TTYH3: variants seen among roughly 807,000 people sequenced by gnomAD.
TTYH3 encodes tweety family member 3, also known as protein tweety homolog 3.
A neutral mutation model predicts 68.2 loss-of-function variants in TTYH3; 23 were observed. That is an observed-to-expected ratio of 0.34 (90% CI 0.24 to 0.48). The LOEUF is 0.48. Among genes scored for constraint, TTYH3 ranks in the 20% least tolerant of loss-of-function variants. The pLI is 0.99. For synonymous variants in TTYH3, 360 were observed against 332.8 expected (o/e 1.08, Z -0.89); for missense variants, 768 against 727.7 (o/e 1.06, Z -0.64).
At chr7:2,660,832 C>T (rs538257381) in intron 13 of TTYH3, among the ~76,000 whole-genome samples, 2 of 152,320 alleles carry the variant, frequency 1.3e-5, no homozygotes, top group East Asian at 1.9e-4. Flanking sequence ...GCCCCTGACA[C>T]GTGCCAGGCC....
At chr7:2,659,821 C>T in intron 13 of TTYH3, 3 of 1,205,202 alleles carry the variant, frequency 2.5e-6, no homozygotes, top group Non-Finnish European at 2.1e-6. Flanking sequence ...TCCCGCTCGG[C>T]TGCCCTCGTC....
chr7:2,660,122 C>A, intron 13 of TTYH3: 1 of 1,232,458 alleles, frequency 8.1e-7, no homozygotes, highest in Non-Finnish European at 1.1e-6. Context: ...GCCGCCCTCC[C>A]GTCGGCACTG....
chr7:2,647,097 T>A lies in TTYH3; in HGVS notation c.294-45T>A, dbSNP rs781052743. The A allele has an allele frequency of 1.1e-5, 17 of 1,526,172 alleles. No homozygotes were observed. The South Asian group carries it at 1.5e-4, about 14-fold the overall frequency. 94.5% of individuals were successfully genotyped at this position (1,526,172 alleles called of 1,614,324 possible). A position where few individuals can be genotyped will look rare whatever the true frequency, so the allele number is the denominator to read the frequency against. On this transcript the variant is annotated intron_variant, in intron 2 of 13. Coordinates refer to ENST00000258796, the MANE Select transcript of TTYH3 (RefSeq NM_025250.3). ...GAGGGGGCGGGGCTGGAGTGGGGTG[T>A]GTGTGGGTGGGCGGGGCTACATCTC...
Position 2,658,354 on chromosome 7 carries a change from G to A in TTYH3, c.1319G>A (p.Arg440His), listed in dbSNP as rs1180699779. ...GPRQAHDSLY[R>H]VHMPSLYSCG... ...CGGCAGGCGCACGACAGCCTCTACC[G>A]CGTCCACATGCCCAGCCTGTACAGC... The change falls in exon 12 of 14, where the codon CGC becomes CAC. Residue 440 changes from arginine to histidine, a missense_variant. Arg to His is a conservative substitution (Grantham distance 29, BLOSUM62 0). Transcript: ENST00000258796. 4 of 1,610,060 alleles carry A rather than the reference G, an allele frequency of 2.5e-6. No homozygotes were observed. The highest frequency in any genetic ancestry group is 1.1e-5 in the South Asian group (1 of 90,672).
At chr7:2,646,825 T>G in intron 1 of TTYH3, 28 bp from the exon 2 acceptor site, 1 of 1,583,282 alleles carries the variant, frequency 6.3e-7, no homozygotes, top group Non-Finnish European at 8.5e-7. Flanking sequence ...GGTCCACCCC[T>G]CCAGCGCCGC....
At chr7:2,649,720 C>T in intron 6 of TTYH3, 81 bp downstream of exon 6, 1 of 1,520,440 alleles carries the variant, frequency 6.6e-7, no homozygotes, top group Non-Finnish European at 8.9e-7. Flanking sequence ...CACTCCTCTC[C>T]CCTCCCATCT....
chr7:2,655,058 T>C (rs1786295014), intron 9 of TTYH3, among the ~76,000 whole-genome samples: 2 of 152,188 alleles, frequency 1.3e-5, no homozygotes, highest in African/African-American at 4.8e-5. Context: ...CTTTCTGAGG[T>C]CCTGGGGGTT....
At chr7:2,639,062 G>A (rs1204416189) in intron 1 of TTYH3, among the ~76,000 whole-genome samples, 6 of 152,116 alleles carry the variant, frequency 3.9e-5, no homozygotes, top group East Asian at 1.9e-4. Context: ...AGAACCCCTC[G>A]GTCTGCACTG....
intron 1 of TTYH3, among the ~76,000 whole-genome samples, chr7:2,637,404 T>C (rs1297889073): frequency 2.6e-5 from 4 of 151,864 alleles, no homozygotes; most frequent in Admixed American, 2.6e-4. Flanking sequence ...CCCTGGGAGG[T>C]GGACACTGTG....
chr7:2,662,130 C>T lies in TTYH3; in HGVS notation c.*391C>T, dbSNP rs1583580663. 5 of 408,280 alleles carry T rather than the reference C, an allele frequency of 1.2e-5. No homozygotes were observed. Among genetic ancestry groups the T allele is most frequent in the South Asian group, 9.2e-5 (4 of 43,246 alleles). The allele number at this position is 408,280 out of a possible 1,614,324, so 25.3% of individuals were successfully genotyped here. ...CGCCCGGCACTTCTGTGGACCCCTTCTTAGTTCACAGGCACGGCTGGGGCC... is the reference window on the plus strand; with the variant it reads ...CGCCCGGCACTTCTGTGGACCCCTTTTTAGTTCACAGGCACGGCTGGGGCC... On this transcript the variant is annotated 3_prime_UTR_variant, in exon 14 of 14. Coordinates refer to ENST00000258796, the MANE Select transcript of TTYH3 (RefSeq NM_025250.3).
At chr7:2,657,368 GTGGTGGTGA>G (rs2114997094) in intron 11 of TTYH3, among the ~76,000 whole-genome samples, 1 of 151,410 alleles carries the variant, frequency 6.6e-6, no homozygotes, top group African/African-American at 2.4e-5. Flanking sequence ...GATGGTGATG[GTGGTGGTGA>G]TGGTGATGAT....
chr7:2,650,957 G>A (rs1279621306), intron 7 of TTYH3, among the ~76,000 whole-genome samples: 1 of 151,682 alleles, frequency 6.6e-6, no homozygotes, highest in African/African-American at 2.4e-5. Context: ...AGGAGTTGGC[G>A]TCCCTGGTTT....
chr7:2,634,893 G>A (rs1418738761), intron 1 of TTYH3, among the ~76,000 whole-genome samples: 2 of 152,130 alleles, frequency 1.3e-5, no homozygotes, highest in Non-Finnish European at 2.9e-5. Context: ...GGGTCAGCCT[G>A]GAGTCGCAGG....
chr7:2,658,739 G>GC (rs1786408048), intron 12 of TTYH3, among the ~76,000 whole-genome samples: 1 of 152,214 alleles, frequency 6.6e-6, no homozygotes, highest in African/African-American at 2.4e-5. Context: ...GGAGGGAGTG[G>GC]ACTCTGGCTG....
Position 2,647,514 on chromosome 7 carries a change from G to T in TTYH3, c.502G>T (p.Val168Leu), listed in dbSNP as rs752477475. Residue 168 changes from valine to leucine, a missense_variant, in exon 4 of 14, where the codon GTA becomes TTA. By Grantham distance (32) the Val-to-Leu change is conservative (BLOSUM62 1). Coordinates refer to ENST00000258796, the MANE Select transcript of TTYH3 (RefSeq NM_025250.3). Reference sequence around the variant, plus strand: ...CGGGCGGCCCGAGCCCCTGCGAGCCGTACAGAGGCTGCAGGGCCTGCTGGA... The same window carrying T: ...CGGGCGGCCCGAGCCCCTGCGAGCCTTACAGAGGCTGCAGGGCCTGCTGGA... ...LAGRPEPLRA[V>L]QRLQGLLETL... 5 of 1,545,880 alleles carry T rather than the reference G, an allele frequency of 3.2e-6. No individual in the cohort carries two copies. Among genetic ancestry groups the T allele is most frequent in the Non-Finnish European group, 3.5e-6 (4 of 1,147,286 alleles).
intron 1 of TTYH3, among the ~76,000 whole-genome samples, chr7:2,641,403 G>T (rs1018565648): frequency 6.6e-6 from 1 of 151,914 alleles, no homozygotes; most frequent in Non-Finnish European, 1.5e-5. Context: ...GGAGAAGGAG[G>T]GGGTGGCCCA....
chr7:2,647,288 T>C (rs753800058), intron 3 of TTYH3, 35 bp downstream of exon 3: 34 of 1,543,140 alleles, frequency 2.2e-5, no homozygotes, highest in East Asian at 4.8e-5. Context: ...AGGAGCACTC[T>C]TGCTGCTCCG....
chr7:2,656,399 A>G lies in TTYH3; in HGVS notation c.1115A>G (p.Asp372Gly), dbSNP rs1344835843. Residue 372 changes from aspartate (D) to glycine (G), a missense_variant and splice_region_variant, in exon 11 of 14, where the codon GAC becomes GGC. Physicochemically the swap from Asp to Gly is moderately conservative, Grantham distance 94. Transcript: ENST00000258796. Reference protein sequence around the residue: ...ALVDCRSLHLDYVQALTGFCY... With the variant: ...ALVDCRSLHLGYVQALTGFCY... ...TGCCATCTCATCCCACGGCCTCAGGACTACGTGCAAGCGCTGACCGGCTTC... is the reference window on the plus strand; with the variant it reads ...TGCCATCTCATCCCACGGCCTCAGGGCTACGTGCAAGCGCTGACCGGCTTC... The G allele has an allele frequency of 2.5e-5, 40 of 1,608,850 alleles. No individual in the cohort carries two copies. The highest frequency in any genetic ancestry group is 3.4e-5 in the Non-Finnish European group (40 of 1,178,928).
At position 2,664,021 on chromosome 7, in the gene TTYH3, C is replaced by T. The variant is rs1371303413; in HGVS notation, c.*2282C>T. On this transcript the variant is annotated 3_prime_UTR_variant, in exon 14 of 14. Transcript: ENST00000258796. Reference sequence around the variant, plus strand: ...ACCTACTGGGGCATCTGGCTGGTGCCTGCTGCCATGGCCAGCCCCCACTCT... The same window carrying T: ...ACCTACTGGGGCATCTGGCTGGTGCTTGCTGCCATGGCCAGCCCCCACTCT... The T allele has an allele frequency of 5.2e-5, 8 of 152,478 alleles. No homozygotes were observed. The highest frequency in any genetic ancestry group is 4.6e-4 in the Admixed American group (7 of 15,294). The allele number at this position is 152,478 out of a possible 1,614,324, so 9.4% of individuals were successfully genotyped here.
Sources: allele counts gnomAD v4.1 joint callset (sites outside exome capture counted in the v4.1 genomes callset), GRCh38; gene constraint gnomAD v4.1.1; transcripts MANE v1.5; gene names NCBI Gene and HGNC (gene_info 2026-07-23, HGNC 2026-07-21).